PIK3R3: variants seen among roughly 807,000 people sequenced by gnomAD.
PIK3R3 encodes the protein phosphoinositide-3-kinase regulatory subunit 3.
PIK3R3 carries 64 observed loss-of-function variants against 62.9 expected under a neutral mutation model. The ratio of observed to expected loss-of-function variants is 1.02; its 90% CI spans 0.83 to 1.25. The LOEUF is 1.25. Among genes scored for constraint, PIK3R3 ranks in the 50% most tolerant of loss-of-function variants. PIK3R3 has a pLI of 0.00. For synonymous variants in PIK3R3, 165 were observed against 189.0 expected (o/e 0.87, Z 1.04); for missense variants, 614 against 561.6 (o/e 1.09, Z -0.94).
the PIK3R3 span, among the ~76,000 whole-genome samples, chr1:46,141,821 G>A: frequency 6.6e-6 from 1 of 152,064 alleles, no homozygotes; most frequent in Non-Finnish European, 1.5e-5. Context: ...CCAAATCCCA[G>A]GCCAAAACAA....
At chr1:46,152,287 A>C in the PIK3R3 span, among the ~76,000 whole-genome samples, 2 of 152,134 alleles carry the variant, frequency 1.3e-5, no homozygotes, top group Non-Finnish European at 2.9e-5. Flanking sequence ...CATATCGGGT[A>C]TCTACCGCCC....
chr1:46,128,532 G>C (rs1464550692), intron 1 of PIK3R3, among the ~76,000 whole-genome samples: 1 of 152,164 alleles, frequency 6.6e-6, no homozygotes, highest in Non-Finnish European at 1.5e-5. Flanking sequence ...AAGTTATTTA[G>C]CCCTAGGCTA....
chr1:46,101,515 C>G (rs1408611736), intron 1 of PIK3R3, among the ~76,000 whole-genome samples: 1 of 152,020 alleles, frequency 6.6e-6, no homozygotes, highest in Admixed American at 6.6e-5. Context: ...AAGAAGCAAA[C>G]AAACAACAAC....
In PIK3R3 at chr1:46,061,941, T is replaced by C. The variant is rs1256302328; in HGVS notation, c.752A>G (p.Lys251Arg). The C allele has an allele frequency of 1.9e-6, 3 of 1,613,280 alleles. No individual in the cohort carries two copies. ...IERFRREGNE[K>R]EIERIMMNYD... ...TAAGTAGACTTACCGTTCAATCTCCTTTTCATTCCCCTCTCTGCGAAATCG... is the reference window on the plus strand; with the variant it reads ...TAAGTAGACTTACCGTTCAATCTCCCTTTCATTCCCCTCTCTGCGAAATCG... Residue 251 changes from lysine to arginine, a missense_variant, in exon 6 of 10, where the codon AAG (lysine) becomes AGG (arginine). Transcript: ENST00000262741.
At chr1:46,049,717 C>T (rs1209981715) in intron 7 of PIK3R3, among the ~76,000 whole-genome samples, 1 of 152,148 alleles carries the variant, frequency 6.6e-6, no homozygotes, top group African/African-American at 2.4e-5. Flanking sequence ...GACATTCTTA[C>T]ATGATCCAAG....
In PIK3R3 at chr1:46,077,623, A is replaced by G. The variant is rs540756425; in HGVS notation, c.216-10T>C. 1.0e-5 allele frequency: 16 copies of G among 1,547,306 alleles called. 1 individual carries two copies. The South Asian group carries it at 1.7e-4, about 16-fold the overall frequency. On this transcript the variant is annotated splice_polypyrimidine_tract_variant and intron_variant, in intron 2 of 9. Coordinates refer to ENST00000262741, the MANE Select transcript of PIK3R3 (RefSeq NM_003629.4). ...GTCATTTACCTCCTCCCTGAAGAAC[A>G]GAATTATAAGAAAAATGAAAAAATG...
At chr1:46,167,100 G>C in the PIK3R3 span, among the ~76,000 whole-genome samples, 1 of 152,282 alleles carries the variant, frequency 6.6e-6, no homozygotes, top group Admixed American at 6.5e-5. Flanking sequence ...CTAGCTGCGG[G>C]ACTCTAGCGG....
At chr1:46,162,589 G>C in the PIK3R3 span, among the ~76,000 whole-genome samples, 1 of 152,064 alleles carries the variant, frequency 6.6e-6, no homozygotes, top group Non-Finnish European at 1.5e-5. Context: ...ATGATACTCT[G>C]ATTTCCATAT....
intron 2 of PIK3R3, among the ~76,000 whole-genome samples, chr1:46,079,891 T>C (rs1415907647): frequency 1.4e-5 from 2 of 147,224 alleles, no homozygotes; most frequent in African/African-American, 5.0e-5. Context: ...GAGGCGGAGG[T>C]TGCAGTAAGC....
At chr1:46,089,247 A>G (rs1651377004) in intron 1 of PIK3R3, among the ~76,000 whole-genome samples, 1 of 152,212 alleles carries the variant, frequency 6.6e-6, no homozygotes. Flanking sequence ...CTAGGATGAC[A>G]GCTGAAAACA....
At chr1:46,159,278 G>A in the PIK3R3 span, among the ~76,000 whole-genome samples, 1 of 151,828 alleles carries the variant, frequency 6.6e-6, no homozygotes, top group Non-Finnish European at 1.5e-5. Flanking sequence ...TAAATTCCAT[G>A]GTCACACAGT....
chr1:46,148,830 C>G, the PIK3R3 span, among the ~76,000 whole-genome samples: 1 of 151,082 alleles, frequency 6.6e-6, no homozygotes, highest in East Asian at 1.9e-4. Context: ...CAGATAAATT[C>G]AAATGATAAA....
intron 3 of PIK3R3, among the ~76,000 whole-genome samples, chr1:46,072,632 A>G (rs1257937769): frequency 2.0e-5 from 3 of 152,244 alleles, no homozygotes; most frequent in Non-Finnish European, 4.4e-5. Context: ...TTCCAGATAA[A>G]TAAGAAGCAT....
rs553324262 is a variant in PIK3R3 at position 46,132,031 on chromosome 1, T to C, written c.-79A>G. The C allele has an allele frequency of 2.0e-4, 316 of 1,553,418 alleles. 1 individual carries two copies. In the Middle Eastern group the frequency reaches 4.3e-3, roughly 21 times the overall value. ...TCTGGTATTTAAAAATCTAAAAATA[T>C]ATATCTGCAAAAGTTCCACACGGAA... On this transcript the variant is annotated 5_prime_UTR_variant, in exon 1 of 10. It adds an upstream start codon to the 5' untranslated region. Coordinates refer to ENST00000262741, the MANE Select transcript of PIK3R3 (RefSeq NM_003629.4).
At chr1:46,109,978 C>A (rs963674413) in intron 1 of PIK3R3, among the ~76,000 whole-genome samples, 3 of 152,196 alleles carry the variant, frequency 2.0e-5, no homozygotes, top group Non-Finnish European at 4.4e-5. Flanking sequence ...TACTTTCCCA[C>A]AGGCACCTTT....
chr1:46,088,917 T>C (rs1157407255), intron 1 of PIK3R3, among the ~76,000 whole-genome samples: 1 of 151,178 alleles, frequency 6.6e-6, no homozygotes, highest in Non-Finnish European at 1.5e-5. Context: ...CTAAAGAATG[T>C]CTTTGGGTTG....
intron 3 of PIK3R3, among the ~76,000 whole-genome samples, chr1:46,071,712 A>AAAAT (rs1472807815): frequency 8.1e-5 from 2 of 24,654 alleles, no homozygotes; most frequent in Non-Finnish European, 1.6e-4. Context: ...AAAAAAAAAA[A>AAAAT]ATATATATAT....
the PIK3R3 span, among the ~76,000 whole-genome samples, chr1:46,146,981 C>A: frequency 6.6e-6 from 1 of 152,144 alleles, no homozygotes; most frequent in Admixed American, 6.5e-5. Flanking sequence ...CTAGAAGCAA[C>A]CAGCCTAGCA....
chr1:46,139,980 C>A, the PIK3R3 span, among the ~76,000 whole-genome samples: 1 of 152,000 alleles, frequency 6.6e-6, no homozygotes, highest in South Asian at 2.1e-4. Context: ...AACTGCTCCC[C>A]ATCTGAAATT....
Sources: allele counts gnomAD v4.1 joint callset (sites outside exome capture counted in the v4.1 genomes callset), GRCh38; gene constraint gnomAD v4.1.1; transcripts MANE v1.5; gene names NCBI Gene and HGNC (gene_info 2026-07-23, HGNC 2026-07-21).